Variants in AVEN observed in about 807,000 individuals in gnomAD.
The protein encoded by AVEN is cell death regulator Aven.
Under a neutral mutation model 38.1 loss-of-function variants are expected in AVEN, and 41 were observed. That is an observed-to-expected ratio of 1.08 (90% CI 0.84 to 1.40). AVEN has a LOEUF of 1.40. AVEN is among the 40% of genes most tolerant of loss of function. The pLI, the probability that AVEN is intolerant of heterozygous loss-of-function variation, is 0.00. For missense variants in AVEN, 605 were observed against 438.8 expected, an observed-to-expected ratio of 1.38 and a Z score of -3.38; for synonymous variants, 206 against 171.8, an observed-to-expected ratio of 1.20 and a Z score of -1.56.
intron 5 of AVEN, among the ~76,000 whole-genome samples, chr15:34,048,810 C>G (rs373735500): frequency 3.3e-5 from 5 of 152,136 alleles, no homozygotes; most frequent in African/African-American, 1.2e-4. Flanking sequence ...GGTCAGTATC[C>G]TCCTGGGATG....
chr15:33,945,206 A>G (rs1894462669), intron 2 of AVEN, among the ~76,000 whole-genome samples: 1 of 152,146 alleles, frequency 6.6e-6, no homozygotes, highest in South Asian at 2.1e-4. Context: ...CAACCACAAG[A>G]GACATTTCGC....
chr15:33,976,911 T>C (rs1272506026), intron 2 of AVEN, among the ~76,000 whole-genome samples: 3 of 152,280 alleles, frequency 2.0e-5, no homozygotes, highest in South Asian at 2.1e-4. Flanking sequence ...TCCTGTGGTA[T>C]AGTGACATCC....
chr15:34,044,016 C>T (rs1244923301), upstream of AVEN, among the ~76,000 whole-genome samples: 1 of 151,988 alleles, frequency 6.6e-6, no homozygotes, highest in East Asian at 1.9e-4. Flanking sequence ...CCACTCTCCC[C>T]TGCACATCAG....
At chr15:33,949,608 A>T (rs1345771305) in intron 2 of AVEN, among the ~76,000 whole-genome samples, 1 of 152,130 alleles carries the variant, frequency 6.6e-6, no homozygotes, top group Admixed American at 6.5e-5. Context: ...AATGGACACG[A>T]GGTTTCTTTT....
chr15:33,870,453 A>G (rs1890895629), intron 4 of AVEN, among the ~76,000 whole-genome samples: 1 of 152,200 alleles, frequency 6.6e-6, no homozygotes, highest in Non-Finnish European at 1.5e-5. Context: ...ACTGCTTCAG[A>G]AAGCCATTCC....
intron 2 of AVEN, among the ~76,000 whole-genome samples, chr15:33,907,039 T>C (rs200796893): frequency 2.0e-3 from 307 of 152,316 alleles, no homozygotes; most frequent in South Asian, 7.3e-3. Context: ...CAAGTTCTTC[T>C]ACCTGACGGC....
intron 4 of AVEN, among the ~76,000 whole-genome samples, chr15:33,869,145 A>C (rs191378537): frequency 6.6e-6 from 1 of 152,306 alleles, no homozygotes; most frequent in Admixed American, 6.5e-5. Context: ...TACAGGGCAA[A>C]GCTGGGACAT....
intron 2 of AVEN, among the ~76,000 whole-genome samples, chr15:33,885,085 C>T (rs555819361): frequency 6.6e-6 from 1 of 152,156 alleles, no homozygotes; most frequent in Non-Finnish European, 1.5e-5. Flanking sequence ...ATCTATCCCA[C>T]AGCCCCTGCA....
intron 2 of AVEN, among the ~76,000 whole-genome samples, chr15:33,922,776 C>T (rs1893450816): frequency 6.6e-6 from 1 of 152,090 alleles, no homozygotes; most frequent in African/African-American, 2.4e-5. Context: ...ATCTCAGAGG[C>T]CTTCTCTTCT....
chr15:34,008,199 T>C (rs1399020222), intron 1 of AVEN, among the ~76,000 whole-genome samples: 2 of 152,000 alleles, frequency 1.3e-5, no homozygotes, highest in African/African-American at 4.8e-5. Context: ...GGCAGAAGGA[T>C]TGCTTGAGGC....
At chr15:34,058,176 ATCT>A (rs2140839289) in intron 5 of AVEN, among the ~76,000 whole-genome samples, 1 of 152,146 alleles carries the variant, frequency 6.6e-6, no homozygotes, top group Non-Finnish European at 1.5e-5. Context: ...ATGGTGGGTA[ATCT>A]TCTTTACTTA....
downstream of AVEN, chr15:33,864,081 T>G: frequency 7.7e-7 from 1 of 1,296,290 alleles, no homozygotes; most frequent in Non-Finnish European, 1.1e-6. Context: ...AGTTAATCCA[T>G]GCGAATGAAC....
intron 2 of AVEN, among the ~76,000 whole-genome samples, chr15:33,890,085 T>C (rs1184055178): frequency 2.0e-5 from 3 of 152,246 alleles, no homozygotes; most frequent in Non-Finnish European, 2.9e-5. Context: ...GCATCACTGA[T>C]AGTGTCTAGG....
intron 2 of AVEN, among the ~76,000 whole-genome samples, chr15:33,876,729 T>A (rs1891247019): frequency 6.6e-6 from 1 of 152,208 alleles, no homozygotes; most frequent in Non-Finnish European, 1.5e-5. Flanking sequence ...AATCACCTGG[T>A]CAGAATGTCA....
downstream of AVEN, chr15:33,864,812 G>A (rs1009408306): frequency 3.0e-5 from 8 of 264,098 alleles, no homozygotes; most frequent in South Asian, 3.7e-4. Context: ...GCATTCCTCC[G>A]TCTTCCACCA....
the AVEN span, chr15:33,853,439 T>C: frequency 7.7e-7 from 1 of 1,300,782 alleles, no homozygotes; most frequent in Non-Finnish European, 1.0e-6. Flanking sequence ...GAACTATGTC[T>C]TCATCTACCC....
At chr15:33,995,174 G>A (rs189595111) in intron 2 of AVEN, among the ~76,000 whole-genome samples, 51 of 152,220 alleles carry the variant, frequency 3.4e-4, no homozygotes, top group Non-Finnish European at 6.0e-4. Flanking sequence ...TGGGGCAGGA[G>A]GATTGCTTGA....
upstream of AVEN, among the ~76,000 whole-genome samples, chr15:34,040,488 G>A (rs1455463263): frequency 3.9e-5 from 6 of 152,182 alleles, no homozygotes; most frequent in Admixed American, 6.5e-5. Context: ...AGTAACACTT[G>A]TAGAGCACTT....
chr15:33,903,976 T>A (rs117284010), intron 2 of AVEN, among the ~76,000 whole-genome samples: 2 of 152,208 alleles, frequency 1.3e-5, no homozygotes, highest in Non-Finnish European at 2.9e-5. Flanking sequence ...AACACAATGG[T>A]AAGTATTTGT....
Sources: allele counts gnomAD v4.1 joint callset (sites outside exome capture counted in the v4.1 genomes callset), GRCh38; gene constraint gnomAD v4.1.1; transcripts MANE v1.5; gene names NCBI Gene and HGNC (gene_info 2026-07-23, HGNC 2026-07-21).